The following SIPA1L2 variants were observed in gnomAD, a reference collection of about 807,000 sequenced individuals.
SIPA1L2 encodes the protein signal induced proliferation associated 1 like 2.
A neutral mutation model predicts 163.9 loss-of-function variants in SIPA1L2; 56 were observed. That is an observed-to-expected ratio of 0.34 (90% CI 0.28 to 0.43). The LOEUF is 0.43. SIPA1L2 is among the 20% of genes least tolerant of loss of function. The pLI is 1.00. For missense variants in SIPA1L2, 1,974 were observed against 2,193.5 expected (o/e 0.90, Z 2.00); for synonymous variants, 877 against 865.7 (o/e 1.01, Z -0.23).
In SIPA1L2 at chr1:232,428,437, G is replaced by A. The variant is rs1333414988; in HGVS notation, c.4384C>T (p.Pro1462Ser). The A allele has an allele frequency of 3.2e-6, 5 of 1,577,998 alleles. No homozygotes were observed. Among genetic ancestry groups the A allele is most frequent in the South Asian group, 2.3e-5 (2 of 85,334 alleles). The change falls in exon 17 of 23, where the codon CCC becomes TCC. Residue 1462 changes from proline (P) to serine (S), a missense_variant. Transcript: ENST00000674635. Reference protein sequence around the residue: ...DFLKLMLPDSPLVEEGRRKFS... With the variant: ...DFLKLMLPDSSLVEEGRRKFS... ...TTTCTTCGCCCCTCCTCCACTAAGG[G>A]GCTGTCAGGAAGCATCAATTTCAGA...
chr1:232,410,186 TTC>T (rs1371096529), intron 19 of SIPA1L2, among the ~76,000 whole-genome samples: 6 of 152,170 alleles, frequency 3.9e-5, no homozygotes, highest in African/African-American at 1.4e-4. Context: ...TATAAACATT[TTC>T]TATTAAGTAC....
At chr1:232,539,975 C>T (rs953323798) in intron 2 of SIPA1L2, among the ~76,000 whole-genome samples, 4 of 152,142 alleles carry the variant, frequency 2.6e-5, no homozygotes, top group Admixed American at 2.6e-4. Flanking sequence ...GCCTGTATAG[C>T]GTGTAAAATA....
chr1:232,584,227 T>C (rs1341146956), intron 1 of SIPA1L2, among the ~76,000 whole-genome samples: 2 of 151,934 alleles, frequency 1.3e-5, no homozygotes, highest in Non-Finnish European at 2.9e-5. Flanking sequence ...ATCCTTTTAG[T>C]CCAATCTTTT....
chr1:232,400,112 G>C (rs1307328553), intron 22 of SIPA1L2, among the ~76,000 whole-genome samples: 3 of 152,112 alleles, frequency 2.0e-5, no homozygotes, highest in African/African-American at 7.2e-5. Flanking sequence ...TGGCCCAAAA[G>C]ACACTGGTCC....
chr1:232,447,822 C>T (rs149616640), intron 10 of SIPA1L2, among the ~76,000 whole-genome samples: 8 of 152,292 alleles, frequency 5.3e-5, no homozygotes, highest in Non-Finnish European at 7.4e-5. Context: ...GAGCATTGAA[C>T]ATGGGTGATA....
At chr1:232,491,141 A>G (rs1475578569) in intron 4 of SIPA1L2, 79 bp from the exon 5 acceptor site, 4 of 1,293,006 alleles carry the variant, frequency 3.1e-6, no homozygotes, top group African/African-American at 3.0e-5. Context: ...TGGCTGCCTT[A>G]AGACAGGAAA....
chr1:232,504,603 T>C (rs1666638211), intron 3 of SIPA1L2, among the ~76,000 whole-genome samples: 1 of 152,198 alleles, frequency 6.6e-6, no homozygotes, highest in Non-Finnish European at 1.5e-5. Flanking sequence ...TGTTAGTGTT[T>C]CCTGGATTAA....
chr1:232,496,499 A>C (rs1267539513), intron 3 of SIPA1L2, among the ~76,000 whole-genome samples: 1 of 151,860 alleles, frequency 6.6e-6, no homozygotes. Flanking sequence ...AAAAAGCTCC[A>C]GTGACATTAA....
At chr1:232,537,541 T>C (rs1657387086) in intron 2 of SIPA1L2, among the ~76,000 whole-genome samples, 1 of 152,080 alleles carries the variant, frequency 6.6e-6, no homozygotes, top group Non-Finnish European at 1.5e-5. Flanking sequence ...AAATGATAAA[T>C]TTTCTTAATT....
intron 10 of SIPA1L2, among the ~76,000 whole-genome samples, chr1:232,459,916 G>A (rs1664137857): frequency 6.6e-6 from 1 of 152,178 alleles, no homozygotes; most frequent in Non-Finnish European, 1.5e-5. Context: ...GAAATCATAG[G>A]AGGTAGGCGA....
chr1:232,620,704 A>C (rs1355021490), intron 1 of SIPA1L2, among the ~76,000 whole-genome samples: 1 of 152,348 alleles, frequency 6.6e-6, no homozygotes, highest in African/African-American at 2.4e-5. Context: ...CGTCAGAGCT[A>C]TTCTGACTGG....
At chr1:232,532,322 C>T (rs995216853) in intron 2 of SIPA1L2, among the ~76,000 whole-genome samples, 1 of 152,092 alleles carries the variant, frequency 6.6e-6, no homozygotes, top group Admixed American at 6.5e-5. Context: ...TGAAGTTGAC[C>T]TTTATTAAGA....
intron 2 of SIPA1L2, among the ~76,000 whole-genome samples, chr1:232,531,232 C>T (rs1038030720): frequency 6.6e-6 from 1 of 150,592 alleles, no homozygotes; most frequent in African/African-American, 2.5e-5. Context: ...CTGCATTTTA[C>T]CTATCCGCCT....
chr1:232,489,283 C>T (rs1310041374), intron 5 of SIPA1L2, among the ~76,000 whole-genome samples: 1 of 152,176 alleles, frequency 6.6e-6, no homozygotes, highest in Non-Finnish European at 1.5e-5. Context: ...ATCAAGCCTG[C>T]CTGAACTTTA....
intron 2 of SIPA1L2, among the ~76,000 whole-genome samples, chr1:232,565,237 C>T (rs1341719074): frequency 6.6e-6 from 1 of 152,218 alleles, no homozygotes; most frequent in Non-Finnish European, 1.5e-5. Context: ...AGTTAATAAT[C>T]TGACACCTTG....
At chr1:232,598,737 G>A (rs1661419695) in intron 1 of SIPA1L2, among the ~76,000 whole-genome samples, 1 of 152,032 alleles carries the variant, frequency 6.6e-6, no homozygotes, top group Admixed American at 6.5e-5. Context: ...CAATTCAACA[G>A]AGCTCAGGCC....
intron 3 of SIPA1L2, among the ~76,000 whole-genome samples, chr1:232,508,013 A>AT (rs1484882553): frequency 6.6e-6 from 1 of 152,080 alleles, no homozygotes; most frequent in Non-Finnish European, 1.5e-5. Context: ...ACATTTTCTT[A>AT]TTTTCCCATA....
intron 2 of SIPA1L2, among the ~76,000 whole-genome samples, chr1:232,570,600 A>G (rs748167080): frequency 2.0e-5 from 3 of 152,208 alleles, no homozygotes; most frequent in Admixed American, 6.5e-5. Flanking sequence ...CCATGTTAAA[A>G]CAGCATTTGA....
intron 18 of SIPA1L2, among the ~76,000 whole-genome samples, chr1:232,419,012 G>A (rs1572868078): frequency 1.3e-5 from 2 of 152,190 alleles, no homozygotes; most frequent in African/African-American, 4.8e-5. Context: ...GACAATAAAT[G>A]AATAAACAAG....
Sources: allele counts gnomAD v4.1 joint callset (sites outside exome capture counted in the v4.1 genomes callset), GRCh38; gene constraint gnomAD v4.1.1; transcripts MANE v1.5; gene names NCBI Gene and HGNC (gene_info 2026-07-23, HGNC 2026-07-21).